The following NRG3 variants were observed in gnomAD, a reference collection of about 807,000 sequenced individuals.
NRG3 encodes pro-neuregulin-3, membrane-bound isoform.
NRG3 carries 31 observed loss-of-function variants against 66.9 expected under a neutral mutation model. The ratio of observed to expected loss-of-function variants is 0.46; its 90% CI spans 0.35 to 0.63. The LOEUF (loss-of-function observed/expected upper bound fraction) is 0.63, where lower values mean the gene tolerates loss of function less well. Ranked by LOEUF, NRG3 falls within the 20% of genes least tolerant of loss-of-function variation. The pLI is 0.00. For synonymous variants in NRG3, 393 were observed against 359.4 expected (o/e 1.09, Z -1.06); for missense variants, 910 against 878.9 (o/e 1.04, Z -0.45).
intron 1 of NRG3, among the ~76,000 whole-genome samples, chr10:82,197,940 TTA>T (rs1345715387): frequency 3.9e-5 from 6 of 152,272 alleles, no homozygotes; most frequent in African/African-American, 1.4e-4. Context: ...TGTCGACATC[TTA>T]TATTATTATA....
intron 1 of NRG3, among the ~76,000 whole-genome samples, chr10:81,945,414 A>T (rs1164007236): frequency 2.0e-5 from 3 of 152,100 alleles, no homozygotes; most frequent in African/African-American, 7.2e-5. Flanking sequence ...AAACAAGAAA[A>T]GTTGTAAGAG....
intron 4 of NRG3, among the ~76,000 whole-genome samples, chr10:82,894,992 T>G (rs1430931458): frequency 6.6e-6 from 1 of 152,078 alleles, no homozygotes; most frequent in Non-Finnish European, 1.5e-5. Context: ...GAACATGCAG[T>G]GTTTGGTTTT....
At chr10:81,932,036 T>C (rs1480667825) in intron 1 of NRG3, among the ~76,000 whole-genome samples, 1 of 152,172 alleles carries the variant, frequency 6.6e-6, no homozygotes, top group Non-Finnish European at 1.5e-5. Flanking sequence ...CTCATAGTTC[T>C]GCAGGTTTTA....
At chr10:82,114,439 G>T (rs896001041) in intron 1 of NRG3, among the ~76,000 whole-genome samples, 4 of 152,132 alleles carry the variant, frequency 2.6e-5, no homozygotes, top group African/African-American at 9.7e-5. Flanking sequence ...TATTTTCAGA[G>T]ATTACTACCT....
At chr10:82,932,937 C>T (rs770767493) in intron 4 of NRG3, among the ~76,000 whole-genome samples, 1 of 152,146 alleles carries the variant, frequency 6.6e-6, no homozygotes. Context: ...TTCTAACTCT[C>T]CTTTTCCAAT....
chr10:82,197,910 A>G (rs559044221), intron 1 of NRG3, among the ~76,000 whole-genome samples: 5 of 152,282 alleles, frequency 3.3e-5, no homozygotes, highest in Non-Finnish European at 5.9e-5. Context: ...TCATTAATAA[A>G]GCTGCTTTGT....
At chr10:82,120,306 G>A (rs192642187) in intron 1 of NRG3, among the ~76,000 whole-genome samples, 4 of 152,204 alleles carry the variant, frequency 2.6e-5, no homozygotes, top group East Asian at 1.9e-4. Flanking sequence ...CAGGAGACCC[G>A]TGGAAATGGT....
chr10:82,217,208 G>C (rs148779966), intron 1 of NRG3, among the ~76,000 whole-genome samples: 2 of 152,342 alleles, frequency 1.3e-5, no homozygotes, highest in East Asian at 3.9e-4. Context: ...GAGGGTGCCT[G>C]TGGGGCTGGC....
At chr10:82,812,735 C>G (rs116184448) in intron 3 of NRG3, among the ~76,000 whole-genome samples, 1,641 of 152,160 alleles carry the variant, frequency 0.011, 28 homozygotes, top group African/African-American at 0.034. Flanking sequence ...ATTGAGAAAC[C>G]TGGCTTATCA....
intron 2 of NRG3, among the ~76,000 whole-genome samples, chr10:82,508,955 C>T (rs1844920330): frequency 6.6e-6 from 1 of 152,168 alleles, no homozygotes; most frequent in South Asian, 2.1e-4. Flanking sequence ...TCCTAGTGAT[C>T]TTATACACTT....
chr10:82,720,484 TAA>T (rs2057230298), intron 2 of NRG3, among the ~76,000 whole-genome samples: 1 of 152,080 alleles, frequency 6.6e-6, no homozygotes, highest in Admixed American at 6.6e-5. Context: ...GAAATAAACA[TAA>T]GTCTCCATTG....
At chr10:81,905,814 C>T (rs1844549404) in intron 1 of NRG3, among the ~76,000 whole-genome samples, 1 of 152,148 alleles carries the variant, frequency 6.6e-6, no homozygotes, top group Admixed American at 6.5e-5. Flanking sequence ...CTGCTCTACC[C>T]TGGTATTGTT....
intron 3 of NRG3, among the ~76,000 whole-genome samples, chr10:82,822,606 T>G (rs1164063169): frequency 6.6e-6 from 1 of 152,086 alleles, no homozygotes; most frequent in Non-Finnish European, 1.5e-5. Flanking sequence ...TATTGAGACC[T>G]AGAAATGGGA....
chr10:82,915,366 T>C (rs776229379), intron 4 of NRG3, among the ~76,000 whole-genome samples: 10 of 152,224 alleles, frequency 6.6e-5, no homozygotes, highest in Non-Finnish European at 1.5e-4. Flanking sequence ...AGGAGGTCTA[T>C]GACCTGTTTT....
intron 2 of NRG3, among the ~76,000 whole-genome samples, chr10:82,490,865 TA>T (rs1843033680): frequency 6.6e-6 from 1 of 152,110 alleles, no homozygotes; most frequent in Non-Finnish European, 1.5e-5. Flanking sequence ...AAATAAATAA[TA>T]AAAAACTAAA....
At chr10:81,918,918 A>G (rs1266275863) in intron 1 of NRG3, among the ~76,000 whole-genome samples, 2 of 151,924 alleles carry the variant, frequency 1.3e-5, no homozygotes, top group African/African-American at 4.8e-5. Flanking sequence ...GTTTAACAAC[A>G]CATTGCTTAT....
intron 2 of NRG3, among the ~76,000 whole-genome samples, chr10:82,670,198 C>G (rs2053155167): frequency 6.6e-6 from 1 of 152,084 alleles, no homozygotes; most frequent in South Asian, 2.1e-4. Context: ...TCTTATTTCC[C>G]ACTACTCATC....
intron 3 of NRG3, among the ~76,000 whole-genome samples, chr10:82,843,725 G>A (rs1213783972): frequency 6.6e-6 from 1 of 152,150 alleles, no homozygotes; most frequent in Non-Finnish European, 1.5e-5. Context: ...AGGGAAGGGA[G>A]AAGGGATACT....
chr10:82,699,368 A>G (rs1427627060), intron 2 of NRG3, among the ~76,000 whole-genome samples: 1 of 151,994 alleles, frequency 6.6e-6, no homozygotes, highest in Non-Finnish European at 1.5e-5. Flanking sequence ...AGTATCAATA[A>G]ATTAATTACT....
Sources: allele counts gnomAD v4.1 joint callset (sites outside exome capture counted in the v4.1 genomes callset), GRCh38; gene constraint gnomAD v4.1.1; transcripts MANE v1.5; gene names NCBI Gene and HGNC (gene_info 2026-07-23, HGNC 2026-07-21).